Variants in GRIK2 observed in about 807,000 individuals in gnomAD.
The protein encoded by GRIK2 is glutamate ionotropic receptor kainate type subunit 2.
GRIK2 carries 32 observed loss-of-function variants against 100.3 expected under a neutral mutation model. The observed-to-expected ratio is 0.32, with a 90% CI of 0.24 to 0.43. The LOEUF (loss-of-function observed/expected upper bound fraction) is 0.43. GRIK2 is among the 20% of genes least tolerant of loss of function. The pLI is 1.00. For missense variants in GRIK2, 843 were observed against 1,114.9 expected (o/e 0.76, Z 3.47); for synonymous variants, 417 against 389.4 (o/e 1.07, Z -0.83).
At chr6:101,859,886 G>T (rs1784640252) in intron 11 of GRIK2, among the ~76,000 whole-genome samples, 1 of 152,126 alleles carries the variant, frequency 6.6e-6, no homozygotes, top group African/African-American at 2.4e-5. Flanking sequence ...AGTTTTTAAA[G>T]TAAGTATTCT....
intron 15 of GRIK2, among the ~76,000 whole-genome samples, chr6:102,047,806 G>A (rs1488927083): frequency 6.6e-6 from 1 of 151,732 alleles, no homozygotes; most frequent in East Asian, 1.9e-4. Context: ...CAGTTTTAAT[G>A]TAAACTCTCT....
chr6:102,004,996 T>C (rs1795136796), intron 14 of GRIK2, among the ~76,000 whole-genome samples: 1 of 151,796 alleles, frequency 6.6e-6, no homozygotes, highest in Admixed American at 6.6e-5. Context: ...AGGAGAACAG[T>C]AGCCTATATT....
intron 14 of GRIK2, among the ~76,000 whole-genome samples, chr6:102,020,857 A>G (rs1324482078): frequency 2.0e-5 from 3 of 151,876 alleles, no homozygotes; most frequent in Non-Finnish European, 2.9e-5. Flanking sequence ...CGAAGGAACA[A>G]TATAACATCT....
At chr6:101,863,645 TA>T (rs1377343738) in intron 11 of GRIK2, among the ~76,000 whole-genome samples, 1 of 152,174 alleles carries the variant, frequency 6.6e-6, no homozygotes, top group Non-Finnish European at 1.5e-5. Flanking sequence ...ATAATGCTGA[TA>T]AAATGTGTGA....
At chr6:101,937,329 C>T (rs1318413545) in intron 14 of GRIK2, among the ~76,000 whole-genome samples, 1 of 152,114 alleles carries the variant, frequency 6.6e-6, no homozygotes, top group Non-Finnish European at 1.5e-5. Flanking sequence ...AGCTCAAACA[C>T]TGTGTCCCAA....
At chr6:101,491,706 A>G (rs1773122595) in intron 2 of GRIK2, among the ~76,000 whole-genome samples, 1 of 151,924 alleles carries the variant, frequency 6.6e-6, no homozygotes, top group Non-Finnish European at 1.5e-5. Flanking sequence ...TTCATCTCCA[A>G]AAAGTACTTT....
chr6:101,656,853 T>C (rs950955118), intron 4 of GRIK2, among the ~76,000 whole-genome samples: 2 of 152,198 alleles, frequency 1.3e-5, no homozygotes, highest in South Asian at 2.1e-4. Context: ...TCTCCAAAAA[T>C]TGTTAACGGG....
At chr6:102,065,932 G>T in intron 16 of GRIK2, 1 of 1,345,118 alleles carries the variant, frequency 7.4e-7, no homozygotes, top group Admixed American at 3.5e-5. Context: ...TCTAATAGTA[G>T]GTATTAAGCA....
intron 10 of GRIK2, among the ~76,000 whole-genome samples, chr6:101,840,387 C>T (rs991353182): frequency 2.6e-5 from 4 of 152,278 alleles, no homozygotes; most frequent in Non-Finnish European, 5.9e-5. Flanking sequence ...TTTTCAACTA[C>T]AACTTGAGTA....
At chr6:101,769,959 A>T (rs563643166) in intron 7 of GRIK2, among the ~76,000 whole-genome samples, 9 of 152,310 alleles carry the variant, frequency 5.9e-5, no homozygotes, top group African/African-American at 2.2e-4. Context: ...TTGCTGGGCA[A>T]ATGCCCTTGT....
At chr6:101,879,765 A>C (rs1156270870) in intron 11 of GRIK2, among the ~76,000 whole-genome samples, 1 of 151,748 alleles carries the variant, frequency 6.6e-6, no homozygotes, top group East Asian at 1.9e-4. Flanking sequence ...CCAGAACTCC[A>C]GAAACTGTGT....
At chr6:101,818,528 C>A (rs1438946398) in intron 10 of GRIK2, 45 bp downstream of exon 10, 1 of 994,996 alleles carries the variant, frequency 1.0e-6, no homozygotes, top group Non-Finnish European at 1.6e-6. Context: ...TGTAGATGAA[C>A]ACAGAAGTGC....
intron 11 of GRIK2, among the ~76,000 whole-genome samples, chr6:101,869,926 A>G (rs1174013698): frequency 6.6e-6 from 1 of 151,872 alleles, no homozygotes; most frequent in Non-Finnish European, 1.5e-5. Flanking sequence ...TTTTGGTTTT[A>G]TTATATCTGA....
At chr6:101,545,544 G>A (rs547885820) in intron 2 of GRIK2, among the ~76,000 whole-genome samples, 34 of 152,244 alleles carry the variant, frequency 2.2e-4, no homozygotes, top group Admixed American at 1.0e-3. Flanking sequence ...TCAAGGAAAT[G>A]TGCCTAGCTA....
At chr6:101,592,144 T>C (rs957960422) in intron 2 of GRIK2, among the ~76,000 whole-genome samples, 4 of 152,058 alleles carry the variant, frequency 2.6e-5, no homozygotes, top group Non-Finnish European at 5.9e-5. Context: ...AGCATCATGC[T>C]TCCTGTACAG....
At chr6:101,721,091 A>G (rs987170877) in intron 7 of GRIK2, among the ~76,000 whole-genome samples, 1 of 151,958 alleles carries the variant, frequency 6.6e-6, no homozygotes, top group South Asian at 2.1e-4. Context: ...AGAATGATAA[A>G]TTTTTAATAA....
chr6:101,837,992 C>T (rs940953858), intron 10 of GRIK2, among the ~76,000 whole-genome samples: 3 of 151,950 alleles, frequency 2.0e-5, no homozygotes, highest in Non-Finnish European at 2.9e-5. Flanking sequence ...TTCTTTTCCC[C>T]TTCTCCCCCA....
intron 7 of GRIK2, among the ~76,000 whole-genome samples, chr6:101,723,664 TA>T (rs1437915467): frequency 5.9e-5 from 9 of 152,002 alleles, no homozygotes; most frequent in African/African-American, 2.2e-4. Context: ...ATCTAACAAC[TA>T]AACTGGTTAA....
At chr6:101,410,256 C>A (rs547290524) in intron 2 of GRIK2, among the ~76,000 whole-genome samples, 1 of 152,154 alleles carries the variant, frequency 6.6e-6, no homozygotes, top group Admixed American at 6.5e-5. Context: ...TATGCATCTG[C>A]CTATGATGAA....
Sources: allele counts gnomAD v4.1 joint callset (sites outside exome capture counted in the v4.1 genomes callset), GRCh38; gene constraint gnomAD v4.1.1; transcripts MANE v1.5; gene names NCBI Gene and HGNC (gene_info 2026-07-23, HGNC 2026-07-21).